VKORC1L1: variants seen among roughly 807,000 people sequenced by gnomAD.
VKORC1L1 encodes the protein vitamin K epoxide reductase complex subunit 1-like protein 1.
In VKORC1L1, 2 loss-of-function variants were observed where a neutral mutation model predicts 18.9. The observed-to-expected ratio is 0.11, with a 90% CI of 0.04 to 0.33. The LOEUF (loss-of-function observed/expected upper bound fraction) is 0.33. VKORC1L1 is among the 10% of genes least tolerant of loss of function. VKORC1L1 has a pLI of 1.00. For synonymous variants in VKORC1L1, 96 were observed against 100.0 expected, an observed-to-expected ratio of 0.96 and a Z score of 0.24; for missense variants, 123 against 224.1, an observed-to-expected ratio of 0.55 and a Z score of 2.88.
intron 1 of VKORC1L1, among the ~76,000 whole-genome samples, chr7:65,895,453 GAAAAAAAAAAAA>G (rs1167891625): frequency 1.3e-3 from 34 of 26,658 alleles, no homozygotes; most frequent in South Asian, 5.8e-3. Context: ...CCATCTGTGA[GAAAAAAAAAAAA>G]AAAAAAAAAA....
Position 65,959,453 on chromosome 7 carries a change from AAGAG to A in VKORC1L1, c.*5155_*5158del. 1 of 152,248 alleles carries A rather than the reference AAGAG, an allele frequency of 6.6e-6. No homozygotes were observed. Among genetic ancestry groups the A allele is most frequent in the African/African-American group, 2.4e-5 (1 of 41,460 alleles). 9.4% of individuals were successfully genotyped at this position (152,248 alleles called of 1,614,324 possible). On this transcript the variant is annotated 3_prime_UTR_variant, in exon 3 of 3. Transcript: ENST00000360768. Reference sequence around the variant, plus strand: ...AAAACTTGATTCCTTTGAAAAACTAAAGAGAAGTTGATAAAAAAAATACAGAAGC... The same window carrying A: ...AAAACTTGATTCCTTTGAAAAACTAAAAGTTGATAAAAAAAATACAGAAGC...
chr7:65,949,504 A>G (rs1790178796), intron 2 of VKORC1L1, among the ~76,000 whole-genome samples: 3 of 150,366 alleles, frequency 2.0e-5, no homozygotes, highest in African/African-American at 7.4e-5. Flanking sequence ...AATAATAATA[A>G]TAATAATAAC....
intron 1 of VKORC1L1, among the ~76,000 whole-genome samples, chr7:65,923,688 T>A (rs947661616): frequency 6.6e-6 from 1 of 152,150 alleles, no homozygotes. Context: ...ATTAAGAGTG[T>A]GAGACCAAAA....
In VKORC1L1 at chr7:65,955,023, A is replaced by G. The variant is rs1013077441; in HGVS notation, c.*723A>G. 1 of 152,296 alleles carries G rather than the reference A, an allele frequency of 6.6e-6. No individual in the cohort carries two copies. Among genetic ancestry groups the G allele is most frequent in the Non-Finnish European group, 1.5e-5 (1 of 68,092 alleles). The allele number at this position is 152,296 out of a possible 1,614,324, so 9.4% of individuals were successfully genotyped here. On this transcript the variant is annotated 3_prime_UTR_variant, in exon 3 of 3. Transcript: ENST00000360768. ...TTTCATCTCCCTCTTCTGAAAGGAA[A>G]AAATTGAATTGGAACGTTCAAGTCC...
chr7:65,875,697 G>A (rs1463851903), intron 1 of VKORC1L1, among the ~76,000 whole-genome samples: 4 of 152,272 alleles, frequency 2.6e-5, no homozygotes, highest in African/African-American at 9.6e-5. Flanking sequence ...GATTACAGAC[G>A]TGAGCCACCG....
intron 1 of VKORC1L1, among the ~76,000 whole-genome samples, chr7:65,876,319 A>G (rs1306142818): frequency 6.6e-6 from 1 of 152,144 alleles, no homozygotes; most frequent in East Asian, 1.9e-4. Context: ...CCTGGCCAAC[A>G]TGCTGAAACC....
At chr7:65,947,834 G>A (rs1414313092) in intron 1 of VKORC1L1, among the ~76,000 whole-genome samples, 5 of 152,004 alleles carry the variant, frequency 3.3e-5, no homozygotes, top group South Asian at 4.1e-4. Flanking sequence ...GGGATTACAG[G>A]TGCACACCAC....
At chr7:65,937,209 A>G (rs1165188779) in intron 1 of VKORC1L1, among the ~76,000 whole-genome samples, 1 of 148,290 alleles carries the variant, frequency 6.7e-6, no homozygotes, top group African/African-American at 2.5e-5. Context: ...AGAACCCAAG[A>G]AACTCCAGTG....
rs566989140 is a variant in VKORC1L1, at chr7:65,937,371, T to G, written c.195-11300T>G. On this transcript the variant is annotated intron_variant, in intron 1 of 2. Coordinates refer to ENST00000360768, the MANE Select transcript of VKORC1L1 (RefSeq NM_173517.6). ...GGGCATATTCCATTTTATCCAGCAC[T>G]GGAATTGGCATTCAGATTTTTTTTG... Among the ~76,000 whole-genome samples, 405 of 152,354 alleles carry G rather than the reference T, an allele frequency of 2.7e-3. 2 individuals carry two copies. The highest frequency in any genetic ancestry group is 9.3e-3 in the African/African-American group (386 of 41,586).
intron 1 of VKORC1L1, among the ~76,000 whole-genome samples, chr7:65,888,160 T>C (rs551950375): frequency 2.0e-5 from 3 of 152,326 alleles, no homozygotes; most frequent in Non-Finnish European, 2.9e-5. Context: ...TAATTTCTTA[T>C]TATTCTGGTC....
intron 1 of VKORC1L1, among the ~76,000 whole-genome samples, chr7:65,902,931 A>T (rs916260948): frequency 2.0e-5 from 3 of 151,996 alleles, no homozygotes; most frequent in Non-Finnish European, 2.9e-5. Flanking sequence ...CAATGGCGTG[A>T]TCTTGGCTCA....
chr7:65,929,787 C>T (rs1395221934), intron 1 of VKORC1L1, among the ~76,000 whole-genome samples: 5 of 150,670 alleles, frequency 3.3e-5, no homozygotes, highest in Non-Finnish European at 7.4e-5. Context: ...GCCTTGGCCT[C>T]CCAAAGTGCT....
At chr7:65,927,915 T>C (rs995412175) in intron 1 of VKORC1L1, among the ~76,000 whole-genome samples, 10 of 152,080 alleles carry the variant, frequency 6.6e-5, no homozygotes, top group African/African-American at 2.2e-4. Flanking sequence ...GGGCCCCAAC[T>C]GATAGGCGCC....
chr7:65,883,497 A>C (rs1242597884), intron 1 of VKORC1L1, among the ~76,000 whole-genome samples: 1 of 146,810 alleles, frequency 6.8e-6, no homozygotes, highest in South Asian at 2.2e-4. Flanking sequence ...TACTGCTTTA[A>C]TCTTTTTTTG....
At chr7:65,867,421 A>AT in the VKORC1L1 span, among the ~76,000 whole-genome samples, 1 of 152,286 alleles carries the variant, frequency 6.6e-6, no homozygotes, top group South Asian at 2.1e-4. Context: ...ATTGCATAAT[A>AT]TATAACCCCA....
chr7:65,942,185 G>C (rs1253760246), intron 1 of VKORC1L1, among the ~76,000 whole-genome samples: 1 of 152,100 alleles, frequency 6.6e-6, no homozygotes, highest in Non-Finnish European at 1.5e-5. Flanking sequence ...TAAAACTACT[G>C]ACAGAGTTTA....
intron 1 of VKORC1L1, among the ~76,000 whole-genome samples, chr7:65,921,069 G>GA (rs1338163667): frequency 1.3e-5 from 2 of 151,942 alleles, no homozygotes; most frequent in South Asian, 2.1e-4. Context: ...CTTTGGGGGG[G>GA]GTTTAACTGG....
At chr7:65,920,512 T>C (rs558670783) in intron 1 of VKORC1L1, among the ~76,000 whole-genome samples, 32 of 152,222 alleles carry the variant, frequency 2.1e-4, no homozygotes, top group Admixed American at 1.6e-3. Context: ...TTCGTGTACA[T>C]AATTTGAGAT....
Position 65,954,745 on chromosome 7 carries a change from G to A in VKORC1L1, c.*445G>A, listed in dbSNP as rs961987814. On this transcript the variant is annotated 3_prime_UTR_variant, in exon 3 of 3. Coordinates refer to ENST00000360768, the MANE Select transcript of VKORC1L1 (RefSeq NM_173517.6). ...TACAATATGTAATATGTTTTTAGCCGATGGATTTAAACATGTAGATTCAAC... is the reference window on the plus strand; with the variant it reads ...TACAATATGTAATATGTTTTTAGCCAATGGATTTAAACATGTAGATTCAAC... The A allele has an allele frequency of 2.3e-5, 4 of 170,218 alleles. No individual in the cohort carries two copies. The highest frequency in any genetic ancestry group is 3.8e-5 in the Non-Finnish European group (3 of 79,228). The allele number at this position is 170,218 out of a possible 1,614,324, so 10.5% of individuals were successfully genotyped here. A position where few individuals can be genotyped will look rare whatever the true frequency, so the allele number is the denominator to read the frequency against.
Sources: gnomAD v4.1 joint callset for allele counts (sites outside exome capture counted in the v4.1 genomes callset) on GRCh38, gnomAD v4.1.1 for gene constraint, MANE v1.5 for transcripts, NCBI Gene and HGNC (gene_info 2026-07-23, HGNC 2026-07-21) for gene names.